Variants in WNK1 observed in about 807,000 individuals in gnomAD.
WNK1 encodes the protein serine/threonine-protein kinase WNK1.
A neutral mutation model predicts 222.8 loss-of-function variants in WNK1; 38 were observed. That is an observed-to-expected ratio of 0.17 (90% CI 0.13 to 0.22). WNK1 has a LOEUF of 0.22. WNK1 is among the 10% of genes least tolerant of loss of function. The pLI is 1.00. For synonymous variants in WNK1, 1,090 were observed against 1,092.9 expected (o/e 1.00, Z 0.05); for missense variants, 2,348 against 2,918.4 (o/e 0.80, Z 4.50).
At chr12:829,954 G>T (rs767680747) in intron 3 of WNK1, 49 bp from the exon 4 acceptor site, 1 of 1,608,826 alleles carries the variant, frequency 6.2e-7, no homozygotes, top group East Asian at 2.2e-5. Context: ...GGTGAGTAAC[G>T]TCTGAAGCTT....
intron 1 of WNK1, among the ~76,000 whole-genome samples, chr12:808,909 G>A (rs978223319): frequency 1.3e-5 from 2 of 151,762 alleles, no homozygotes; most frequent in Non-Finnish European, 2.9e-5. Flanking sequence ...GATTACAGGC[G>A]CCTGCCACCA....
chr12:848,496 C>CTTTTTTTTTT lies in WNK1; in HGVS notation c.1312-8654_1312-8645dup, dbSNP rs10644583. Among the ~76,000 whole-genome samples, 706 of 99,140 alleles carry CTTTTTTTTTT rather than the reference C, an allele frequency of 7.1e-3. 5 individuals carry two copies. The highest frequency in any genetic ancestry group is 0.016 in the Middle Eastern group (2 of 126). The allele number at this position is 99,140 out of a possible 152,430, so 65.0% of individuals were successfully genotyped here. ...GAGGCAGCAAAGAAGCCAGTAAAAA[C>CTTTTTTTTTT]TTTTTTTTTTTTTTTTTTTTGCTTG... On this transcript the variant is annotated intron_variant, in intron 4 of 27. Coordinates refer to ENST00000315939, the MANE Select transcript of WNK1 (RefSeq NM_018979.4).
At chr12:779,442 T>C (rs1231244344) in intron 1 of WNK1, among the ~76,000 whole-genome samples, 5 of 151,300 alleles carry the variant, frequency 3.3e-5, no homozygotes, top group African/African-American at 9.7e-5. Context: ...TTTCACTTTG[T>C]AGCCCGGGCT....
Position 863,949 on chromosome 12 carries a change from G to A in WNK1, c.2139+1679G>A, listed in dbSNP as rs1951413206. Reference sequence around the variant, plus strand: ...TTGGTATTGGTGGGCCACAGATTTGGCCCAAAGCATTCTACACAGCCAAGT... The same window carrying A: ...TTGGTATTGGTGGGCCACAGATTTGACCCAAAGCATTCTACACAGCCAAGT... On this transcript the variant is annotated intron_variant, in intron 8 of 27. Transcript: ENST00000315939. 3.9e-5 allele frequency among the ~76,000 whole-genome samples: 6 copies of A among 152,054 alleles called. No individual in the cohort carries two copies. The South Asian group carries it at 1.2e-3, about 32-fold the overall frequency.
At position 887,396 on chromosome 12, in the gene WNK1, T is replaced by C. The variant is rs1592184407; in HGVS notation, c.5364+92T>C. The C allele has an allele frequency of 9.3e-6, 12 of 1,287,956 alleles. No individual in the cohort carries two copies. The East Asian group carries it at 2.8e-4, about 30-fold the overall frequency. 79.8% of individuals were successfully genotyped at this position (1,287,956 alleles called of 1,614,324 possible). On this transcript the variant is annotated intron_variant, in intron 20 of 27. Transcript: ENST00000315939. ...CCACTACGTGGTCTTGGCTTTTGCC[T>C]ATTTGTCTTTGACTTAGTAACACCT...
At chr12:897,800 C>T (rs909234603) in intron 25 of WNK1, 119 bp downstream of exon 25, 1 of 1,128,830 alleles carries the variant, frequency 8.9e-7, no homozygotes, top group Non-Finnish European at 1.3e-6. Context: ...TTTGGCTCTC[C>T]TGATATTTTT....
chr12:892,035 CTTTT>C (rs34947524), intron 22 of WNK1, among the ~76,000 whole-genome samples: 1 of 135,958 alleles, frequency 7.4e-6, no homozygotes, highest in Non-Finnish European at 1.6e-5. Context: ...TTATAACTAA[CTTTT>C]TTTTTTTTTT....
intron 4 of WNK1, among the ~76,000 whole-genome samples, chr12:852,087 A>G (rs975838460): frequency 1.3e-5 from 2 of 152,206 alleles, no homozygotes; most frequent in Non-Finnish European, 2.9e-5. Flanking sequence ...AGTGCTGGCA[A>G]TTCTTAGGAT....
At chr12:767,247 T>G (rs1286390213) in intron 1 of WNK1, among the ~76,000 whole-genome samples, 11 of 36,382 alleles carry the variant, frequency 3.0e-4, no homozygotes, top group Admixed American at 3.2e-4. Context: ...TTTTTTTTTT[T>G]TTTTTTTTTT....
At chr12:853,332 A>G (rs776103670) in intron 4 of WNK1, among the ~76,000 whole-genome samples, 8 of 152,188 alleles carry the variant, frequency 5.3e-5, no homozygotes, top group Non-Finnish European at 1.2e-4. Flanking sequence ...ATGAATTCAT[A>G]TATGTTTGCA....
intron 1 of WNK1, among the ~76,000 whole-genome samples, chr12:800,602 A>G (rs1287775366): frequency 6.6e-6 from 1 of 152,080 alleles, no homozygotes; most frequent in Non-Finnish European, 1.5e-5. Context: ...AAGTGTGATG[A>G]TCTGTGGGCC....
At chr12:832,185 C>T (rs1040533978) in intron 4 of WNK1, among the ~76,000 whole-genome samples, 1 of 152,120 alleles carries the variant, frequency 6.6e-6, no homozygotes, top group Admixed American at 6.5e-5. Context: ...ACGCTATTCT[C>T]CTGCCTCAGC....
intron 1 of WNK1, among the ~76,000 whole-genome samples, chr12:759,404 C>T (rs2153913289): frequency 6.8e-6 from 1 of 147,446 alleles, no homozygotes; most frequent in South Asian, 2.2e-4. Flanking sequence ...GATCTCGGCT[C>T]ACTGCAACCT....
chr12:865,168 G>A lies in WNK1; in HGVS notation c.2139+2898G>A, dbSNP rs72649828. 5 of 1,521,948 alleles carry A rather than the reference G, an allele frequency of 3.3e-6. No homozygotes were observed. Among genetic ancestry groups the A allele is most frequent in the South Asian group, 2.4e-5 (2 of 83,370 alleles). 94.3% of individuals were successfully genotyped at this position (1,521,948 alleles called of 1,614,324 possible). Reference sequence around the variant, plus strand: ...CCCATCTTTCTGCTGTTGCCTCTGTGTCCCGCATCTCTCCCAGTGCTCTTC... The same window carrying A: ...CCCATCTTTCTGCTGTTGCCTCTGTATCCCGCATCTCTCCCAGTGCTCTTC... On this transcript the variant is annotated intron_variant, in intron 8 of 27. Transcript: ENST00000315939.
intron 4 of WNK1, among the ~76,000 whole-genome samples, chr12:834,762 A>G (rs776407670): frequency 3.0e-4 from 45 of 152,196 alleles, no homozygotes; most frequent in Non-Finnish European, 5.1e-4. Flanking sequence ...TGTCTATGAA[A>G]TATGAGTTGT....
intron 1 of WNK1, among the ~76,000 whole-genome samples, chr12:764,629 C>T (rs1441174332): frequency 3.7e-5 from 3 of 81,228 alleles, no homozygotes; most frequent in Non-Finnish European, 7.8e-5. Flanking sequence ...AGCGAAACTC[C>T]GTCTCAAAAA....
At chr12:822,613 A>G (rs1340107123) in intron 2 of WNK1, among the ~76,000 whole-genome samples, 1 of 152,164 alleles carries the variant, frequency 6.6e-6, no homozygotes, top group African/African-American at 2.4e-5. Context: ...ATTGATACCA[A>G]CTTAGCTTTA....
At chr12:819,138 G>A (rs566898233) in intron 2 of WNK1, among the ~76,000 whole-genome samples, 2 of 152,202 alleles carry the variant, frequency 1.3e-5, no homozygotes, top group East Asian at 1.9e-4. Context: ...TTGGCTATTT[G>A]TGTATCTTTG....
chr12:890,611 T>C (rs1204005798), intron 22 of WNK1, 98 bp downstream of exon 22: 4 of 1,251,204 alleles, frequency 3.2e-6, no homozygotes, highest in Non-Finnish European at 4.7e-6. Flanking sequence ...TCCACGTATT[T>C]GATAACTGAG....
Sources: gnomAD v4.1 joint callset for allele counts (sites outside exome capture counted in the v4.1 genomes callset) on GRCh38, gnomAD v4.1.1 for gene constraint, MANE v1.5 for transcripts, NCBI Gene and HGNC (gene_info 2026-07-23, HGNC 2026-07-21) for gene names.